The following SLC4A10 variants were observed in gnomAD, a reference collection of about 807,000 sequenced individuals.
SLC4A10 encodes sodium-driven chloride bicarbonate exchanger.
SLC4A10 carries 42 observed loss-of-function variants against 137.7 expected under a neutral mutation model. That is an observed-to-expected ratio of 0.30 (90% CI 0.24 to 0.39). The LOEUF (loss-of-function observed/expected upper bound fraction) is 0.39, where lower values mean the gene tolerates loss of function less well. Among genes scored for constraint, SLC4A10 ranks in the 10% least tolerant of loss-of-function variants. The pLI, the probability that SLC4A10 is intolerant of heterozygous loss-of-function variation, is 1.00. For missense variants in SLC4A10, 925 were observed against 1,355.0 expected (o/e 0.68, Z 4.98); for synonymous variants, 474 against 464.1 (o/e 1.02, Z -0.27).
At chr2:161,721,830 CA>C (rs1379086809) in intron 1 of SLC4A10, among the ~76,000 whole-genome samples, 9 of 152,174 alleles carry the variant, frequency 5.9e-5, no homozygotes, top group African/African-American at 2.2e-4. Context: ...CCCAATCCGT[CA>C]TAGTTTGGTC....
intron 9 of SLC4A10, among the ~76,000 whole-genome samples, chr2:161,880,769 T>C (rs1297610259): frequency 6.6e-6 from 1 of 152,134 alleles, no homozygotes; most frequent in East Asian, 1.9e-4. Flanking sequence ...TTAAAATTTC[T>C]TTTCAGTCCT....
intron 21 of SLC4A10, among the ~76,000 whole-genome samples, chr2:161,959,414 C>G (rs1312501653): frequency 6.6e-6 from 1 of 152,194 alleles, no homozygotes; most frequent in Non-Finnish European, 1.5e-5. Flanking sequence ...ACAAGGTCCA[C>G]AGCATCTGAA....
chr2:161,932,863 GT>G (rs1690664398), intron 15 of SLC4A10, among the ~76,000 whole-genome samples: 3 of 151,972 alleles, frequency 2.0e-5, no homozygotes, highest in South Asian at 2.1e-4. Context: ...ATGTGTCTAG[GT>G]CTGATCTTTT....
intron 16 of SLC4A10, among the ~76,000 whole-genome samples, chr2:161,946,447 ACT>A (rs1364755207): frequency 1.3e-5 from 2 of 151,926 alleles, no homozygotes; most frequent in East Asian, 3.9e-4. Context: ...AGTTGGGCAG[ACT>A]CTGTGTTTGT....
intron 21 of SLC4A10, among the ~76,000 whole-genome samples, chr2:161,963,021 C>A (rs1696990782): frequency 6.6e-6 from 1 of 152,058 alleles, no homozygotes; most frequent in Admixed American, 6.6e-5. Flanking sequence ...AAAACAGTGA[C>A]TGACAGTGAT....
chr2:161,657,872 G>A (rs577748567), intron 1 of SLC4A10, among the ~76,000 whole-genome samples: 14 of 152,138 alleles, frequency 9.2e-5, no homozygotes. Context: ...TTTTGAGTTG[G>A]AGTTAAATTA....
At chr2:161,850,126 A>C (rs2059744356) in intron 4 of SLC4A10, among the ~76,000 whole-genome samples, 2 of 152,080 alleles carry the variant, frequency 1.3e-5, no homozygotes, top group South Asian at 2.1e-4. Flanking sequence ...TACACGGCTC[A>C]CACCTCTAAT....
chr2:161,665,355 T>A (rs902176711), intron 1 of SLC4A10, among the ~76,000 whole-genome samples: 2 of 151,782 alleles, frequency 1.3e-5, no homozygotes, highest in Admixed American at 1.3e-4. Flanking sequence ...TGGAATAATA[T>A]TTTGATTGGA....
intron 1 of SLC4A10, among the ~76,000 whole-genome samples, chr2:161,706,503 G>T (rs995607024): frequency 1.3e-5 from 2 of 151,262 alleles, no homozygotes; most frequent in Admixed American, 6.6e-5. Context: ...CCACTTCTTT[G>T]GTTCAGGCCA....
At chr2:161,742,932 C>T (rs1270816569) in intron 1 of SLC4A10, among the ~76,000 whole-genome samples, 1 of 152,128 alleles carries the variant, frequency 6.6e-6, no homozygotes, top group Non-Finnish European at 1.5e-5. Flanking sequence ...GAAATGTCTA[C>T]TTAGATCTTT....
intron 5 of SLC4A10, among the ~76,000 whole-genome samples, chr2:161,862,205 G>A (rs924933562): frequency 1.3e-5 from 2 of 152,122 alleles, no homozygotes; most frequent in Non-Finnish European, 2.9e-5. Flanking sequence ...TGCAGGTATA[G>A]AATATCTTTT....
intron 4 of SLC4A10, among the ~76,000 whole-genome samples, chr2:161,849,595 G>A (rs925659677): frequency 2.6e-5 from 4 of 151,972 alleles, no homozygotes; most frequent in Admixed American, 6.6e-5. Flanking sequence ...AGTTTTTTGC[G>A]GGTTTCAAAC....
intron 3 of SLC4A10, among the ~76,000 whole-genome samples, chr2:161,837,542 C>G (rs1403340623): frequency 1.3e-5 from 2 of 152,102 alleles, no homozygotes; most frequent in Non-Finnish European, 2.9e-5. Flanking sequence ...AGATTTAGTG[C>G]AATATCAATC....
chr2:161,792,290 G>C (rs1005082051), intron 2 of SLC4A10, among the ~76,000 whole-genome samples: 17 of 152,054 alleles, frequency 1.1e-4, no homozygotes, highest in African/African-American at 4.1e-4. Context: ...TACATATTAA[G>C]AGGAAATTTT....
intron 15 of SLC4A10, among the ~76,000 whole-genome samples, chr2:161,938,054 C>T (rs1402783970): frequency 6.6e-6 from 1 of 152,066 alleles, no homozygotes; most frequent in African/African-American, 2.4e-5. Context: ...AGGCAGATTG[C>T]TTTAGGCCAG....
intron 5 of SLC4A10, among the ~76,000 whole-genome samples, chr2:161,859,899 C>G (rs1162891525): frequency 1.3e-5 from 2 of 152,166 alleles, no homozygotes. Flanking sequence ...CGCGCCTTTT[C>G]TCTTATCACC....
chr2:161,941,509 GA>G (rs1353062023), intron 15 of SLC4A10, among the ~76,000 whole-genome samples: 6 of 152,070 alleles, frequency 3.9e-5, no homozygotes, highest in Admixed American at 6.6e-5. Context: ...CTTTGGGGTG[GA>G]AAAAGCATTT....
chr2:161,878,853 C>T (rs1575416427), intron 8 of SLC4A10, among the ~76,000 whole-genome samples: 1 of 152,012 alleles, frequency 6.6e-6, no homozygotes, highest in East Asian at 1.9e-4. Context: ...ATACTTTTCC[C>T]TGTCTAAAAT....
chr2:161,959,515 A>G (rs114008703), intron 21 of SLC4A10, among the ~76,000 whole-genome samples: 427 of 152,272 alleles, frequency 2.8e-3, no homozygotes, highest in African/African-American at 9.7e-3. Context: ...TGTTGGTAGG[A>G]TGACTCAGTC....
Sources: allele counts gnomAD v4.1 joint callset (sites outside exome capture counted in the v4.1 genomes callset), GRCh38; gene constraint gnomAD v4.1.1; transcripts MANE v1.5; gene names NCBI Gene and HGNC (gene_info 2026-07-23, HGNC 2026-07-21).